HMX1: variants seen among roughly 807,000 people sequenced by gnomAD.
HMX1 encodes the protein homeobox protein HMX1.
Under a neutral mutation model 8.9 loss-of-function variants are expected in HMX1, and 8 were observed. The ratio of observed to expected loss-of-function variants is 0.90; its 90% confidence interval spans 0.53 to 1.63. The LOEUF is 1.63. HMX1 is among the 40% of genes most tolerant of loss of function. The pLI, the probability that HMX1 is intolerant of heterozygous loss-of-function variation, is 0.00. For missense variants in HMX1, 621 were observed against 558.5 expected, an observed-to-expected ratio of 1.11 and a Z score of -1.13; for synonymous variants, 311 against 283.4, an observed-to-expected ratio of 1.10 and a Z score of -0.98.
At position 8,870,877 on chromosome 4, in the gene HMX1, G is replaced by A. The variant is rs1392760829; in HGVS notation, c.394+344C>T. ...CCCATTTTCTTTCTCAGCCTCTTTC[G>A]CCTTCTCCTGTATCTTTCCCTATCC... On this transcript the variant is annotated intron_variant, in intron 1 of 1. Transcript: ENST00000400677. This position sits in a 1 kb window ranked among gnomAD's most constrained non-coding sequence, Gnocchi z 4.4. Among the ~76,000 whole-genome samples the A allele has an allele frequency of 4.4e-5, 6 of 137,210 alleles. No homozygotes were observed. Among genetic ancestry groups the A allele is most frequent in the African/African-American group, 1.7e-4 (6 of 35,922 alleles). The allele number at this position is 137,210 out of a possible 152,430, so 90.0% of individuals were successfully genotyped here. A position where few individuals can be genotyped will look rare whatever the true frequency, so the allele number is the denominator to read the frequency against.
Position 8,846,284 on chromosome 4 carries a change from C to G in HMX1, c.435G>C (p.Glu145Asp), listed in dbSNP as rs563411478. 4 of 1,534,810 alleles carry G rather than the reference C, an allele frequency of 2.6e-6. No homozygotes were observed. In the African/African-American group the frequency reaches 4.1e-5, roughly 16 times the overall value. Reference sequence around the variant, plus strand: ...ATTTATCAGCTCTGGTCACCTGCCCCTCTCCACACTGCACAGGCTGAGGTG... The same window carrying G: ...ATTTATCAGCTCTGGTCACCTGCCCGTCTCCACACTGCACAGGCTGAGGTG... Residue 145 changes from glutamate to aspartate, a missense_variant, in exon 2 of 2, where the codon GAG becomes GAC. Coordinates refer to the HMX1 transcript ENST00000506970.
At position 8,871,278 on chromosome 4, in the gene HMX1, C is replaced by A; in HGVS notation, c.337G>T (p.Ala113Ser). Residue 113 changes from alanine to serine, a missense_variant, in exon 1 of 2, where the codon GCA becomes TCA. By Grantham distance (99) the Ala-to-Ser change is moderately conservative. Coordinates refer to ENST00000400677, the MANE Select transcript of HMX1 (RefSeq NM_018942.3). The surrounding 1 kb of genome is among the most constrained non-coding windows in gnomAD (Gnocchi z 4.8). ...GPPFALGCGG[A>S]ARWYPRAHGG... ...TGCGCCCGTGGGTACCAGCGCGCTG[C>A]GCCTCCGCAGCCCAGAGCGAAGGGC... 2 of 1,479,962 alleles carry A rather than the reference C, an allele frequency of 1.4e-6. No homozygotes were observed. The highest frequency in any genetic ancestry group is 1.8e-6 in the Non-Finnish European group (2 of 1,121,774). The allele number at this position is 1,479,962 out of a possible 1,614,324, so 91.7% of individuals were successfully genotyped here. A position where few individuals can be genotyped will look rare whatever the true frequency, so the allele number is the denominator to read the frequency against.
intron 1 of HMX1, among the ~76,000 whole-genome samples, chr4:8,858,199 C>T (rs1372072790): frequency 6.6e-6 from 1 of 152,092 alleles, no homozygotes; most frequent in Non-Finnish European, 1.5e-5. Flanking sequence ...ATGAGCGAGG[C>T]CCGGATGTGC....
At chr4:8,865,707 C>T (rs28587985), downstream of HMX1, among the ~76,000 whole-genome samples, 4,007 of 151,908 alleles carry the variant, frequency 0.026, 184 homozygotes, top group African/African-American at 0.091. Flanking sequence ...TGAGTGGCCA[C>T]GAAGAGCCTC....
chr4:8,857,301 C>T (rs895048373), intron 1 of HMX1, among the ~76,000 whole-genome samples: 1 of 152,232 alleles, frequency 6.6e-6, no homozygotes, highest in African/African-American at 2.4e-5. Context: ...CTCGCCCAGC[C>T]GGAGCCTCAG....
At chr4:8,859,781 C>T (rs1721735194) in intron 1 of HMX1, among the ~76,000 whole-genome samples, 1 of 152,186 alleles carries the variant, frequency 6.6e-6, no homozygotes, top group South Asian at 2.1e-4. Context: ...GTGGGAATAC[C>T]GTGGAACAAG....
intron 1 of HMX1, among the ~76,000 whole-genome samples, chr4:8,855,085 C>A (rs1721570363): frequency 6.6e-6 from 1 of 152,272 alleles, no homozygotes; most frequent in Non-Finnish European, 1.5e-5. Flanking sequence ...GACGCCCACG[C>A]TCCACCATGG....
chr4:8,855,337 CCCTGAGCAGCTTGCTGG>C (rs1229700067), intron 1 of HMX1, among the ~76,000 whole-genome samples: 1 of 152,266 alleles, frequency 6.6e-6, no homozygotes, highest in Non-Finnish European at 1.5e-5. Flanking sequence ...CCTCTGGCTG[CCCTGAGCAGCTTGCTGG>C]GATGGCAGAG....
chr4:8,871,629 T>A lies in HMX1; in HGVS notation c.-15A>T, dbSNP rs1722229322. 4 of 1,255,984 alleles carry A rather than the reference T, an allele frequency of 3.2e-6. No individual in the cohort carries two copies. Among genetic ancestry groups the A allele is most frequent in the African/African-American group, 3.2e-5 (2 of 62,674 alleles). The allele number at this position is 1,255,984 out of a possible 1,614,324, so 77.8% of individuals were successfully genotyped here. A position where few individuals can be genotyped will look rare whatever the true frequency, so the allele number is the denominator to read the frequency against. ...TCGTCAGGCATCGCGGCCGCGGGCT[T>A]CTCGGGCTCGGCCGGGCTCCTCGGT... is the stretch of plus-strand genomic sequence containing the variant. On this transcript the variant is annotated 5_prime_UTR_variant, in exon 1 of 2. Coordinates refer to ENST00000400677, the MANE Select transcript of HMX1 (RefSeq NM_018942.3). This position sits in a 1 kb window ranked among gnomAD's most constrained non-coding sequence, Gnocchi z 4.8.
chr4:8,848,160 T>C lies in HMX1; in HGVS notation c.395-1836A>G, dbSNP rs1407411041. Among the ~76,000 whole-genome samples, 1 of 152,238 alleles carries C rather than the reference T, an allele frequency of 6.6e-6. No individual in the cohort carries two copies. The highest frequency in any genetic ancestry group is 2.4e-5 in the African/African-American group (1 of 41,466). On this transcript the variant is annotated intron_variant, in intron 1 of 1. Transcript: ENST00000506970. The surrounding 1 kb of genome is among the most constrained non-coding windows in gnomAD (Gnocchi z 4.1). Reference sequence around the variant, plus strand: ...AAGTATTTCCAATAAAACTTCGGCATCTGAATGGAGATGTGCTGTAAGTAA... The same window carrying C: ...AAGTATTTCCAATAAAACTTCGGCACCTGAATGGAGATGTGCTGTAAGTAA...
rs1467104051 is a variant in HMX1, at chr4:8,870,813, TTC to T, written c.394+406_394+407del. Among the ~76,000 whole-genome samples, 1 of 110,218 alleles carries T rather than the reference TTC, an allele frequency of 9.1e-6. No individual in the cohort carries two copies. 72.3% of individuals were successfully genotyped at this position (110,218 alleles called of 152,430 possible). A position where few individuals can be genotyped will look rare whatever the true frequency, so the allele number is the denominator to read the frequency against. On this transcript the variant is annotated intron_variant, in intron 1 of 1. Coordinates refer to ENST00000400677, the MANE Select transcript of HMX1 (RefSeq NM_018942.3). This position sits in a 1 kb window ranked among gnomAD's most constrained non-coding sequence, Gnocchi z 4.4. Reference sequence around the variant, plus strand: ...TGCATCTTCCCCTCCCCCCACCCCATTCTCTCTCCCGCAGCACATTCCTTTCT... The same window carrying T: ...TGCATCTTCCCCTCCCCCCACCCCATTCTCTCCCGCAGCACATTCCTTTCT...
rs796086007 is a variant in HMX1 at position 8,846,132 on chromosome 4, A to G, written c.*14T>C. 13 of 764,584 alleles carry G rather than the reference A, an allele frequency of 1.7e-5. No homozygotes were observed. In the African/African-American group the frequency reaches 2.1e-4, roughly 12 times the overall value. 47.4% of individuals were successfully genotyped at this position (764,584 alleles called of 1,614,324 possible). Reference sequence around the variant, plus strand: ...CACACTGAGTGCCCCCTGTGGGAACACTGCTCCACGCGGTCACTCGGGGGT... The same window carrying G: ...CACACTGAGTGCCCCCTGTGGGAACGCTGCTCCACGCGGTCACTCGGGGGT... On this transcript the variant is annotated 3_prime_UTR_variant, in exon 2 of 2. Transcript: ENST00000506970.
At chr4:8,857,771 T>C (rs1219828470) in intron 1 of HMX1, among the ~76,000 whole-genome samples, 1 of 152,002 alleles carries the variant, frequency 6.6e-6, no homozygotes, top group African/African-American at 2.4e-5. Flanking sequence ...GGACTCGAGG[T>C]CCTTGAGGAT....
At position 8,867,789 on chromosome 4, in the gene HMX1, C is replaced by G. The variant is rs1429595055; in HGVS notation, c.951G>C (p.Leu317=). ...AGGCGAGGGCCCCGGAGAAGCCGAGCAGCGGTGGGGGCGGCGCGGGCGCGG... is the reference window on the plus strand; with the variant it reads ...AGGCGAGGGCCCCGGAGAAGCCGAGGAGCGGTGGGGGCGGCGCGGGCGCGG... ...APAAPAPPPP[L]LGFSGALAYP... is the part of the protein sequence containing the mutation. Residue 317 remains leucine, a synonymous_variant, in exon 2 of 2, where the codon CTG becomes CTC. Transcript: ENST00000400677. The G allele has an allele frequency of 1.6e-6, 2 of 1,254,760 alleles. No individual in the cohort carries two copies. Among genetic ancestry groups the G allele is most frequent in the Non-Finnish European group, 2.0e-6 (2 of 1,004,254 alleles). The allele number at this position is 1,254,760 out of a possible 1,614,324, so 77.7% of individuals were successfully genotyped here.
At position 8,870,363 on chromosome 4, in the gene HMX1, G is replaced by C. The variant is rs28481369; in HGVS notation, c.394+858C>G. On this transcript the variant is annotated intron_variant, in intron 1 of 1. Coordinates refer to ENST00000400677, the MANE Select transcript of HMX1 (RefSeq NM_018942.3). The surrounding 1 kb of genome is among the most constrained non-coding windows in gnomAD (Gnocchi z 4.4). ...TGGGGAGGGGAAGCAGAACTAAGGG[G>C]TCAGATACCCAAGCAAGGGGGCAAA... is the stretch of plus-strand genomic sequence containing the variant. 0.066 allele frequency among the ~76,000 whole-genome samples: 10,052 copies of C among 151,912 alleles called. 957 individuals are homozygous for C. The highest frequency in any genetic ancestry group is 0.21 in the African/African-American group (8,685 of 41,334).
chr4:8,860,422 C>T lies in HMX1; in HGVS notation c.394+10799G>A, dbSNP rs560710783. Among the ~76,000 whole-genome samples the T allele has an allele frequency of 2.6e-5, 4 of 152,352 alleles. No homozygotes were observed. In the South Asian group the frequency reaches 6.2e-4, roughly 24 times the overall value. ...CCGTCATTACATCGCGCCGCCTTCA[C>T]CCCCGCTACGATGACCACTCCGCAG... On this transcript the variant is annotated intron_variant, in intron 1 of 1. Transcript: ENST00000506970.
At chr4:8,863,898 A>C (rs1333465786), downstream of HMX1, among the ~76,000 whole-genome samples, 1 of 152,246 alleles carries the variant, frequency 6.6e-6, no homozygotes. Context: ...AGGACCGTTA[A>C]GCCCAGACAG....
chr4:8,854,857 G>A (rs1161013630), intron 1 of HMX1, among the ~76,000 whole-genome samples: 1 of 152,212 alleles, frequency 6.6e-6, no homozygotes, highest in Non-Finnish European at 1.5e-5. Context: ...TATAATCACA[G>A]GGAGGGATTC....
downstream of HMX1, among the ~76,000 whole-genome samples, chr4:8,865,235 G>A (rs1410415550): frequency 6.6e-6 from 1 of 152,230 alleles, no homozygotes; most frequent in South Asian, 2.1e-4. Context: ...CCTTGGGACT[G>A]CACCCACATC....
Sources: allele counts gnomAD v4.1 joint callset (sites outside exome capture counted in the v4.1 genomes callset), GRCh38; gene constraint gnomAD v4.1.1; non-coding constraint Gnocchi (gnomAD v3.1); transcripts MANE v1.5; gene names NCBI Gene and HGNC (gene_info 2026-07-23, HGNC 2026-07-21).